EPDR1: variants seen among roughly 807,000 people sequenced by gnomAD.
The protein encoded by EPDR1 is mammalian ependymin-related protein 1.
EPDR1 carries 27 observed loss-of-function variants against 23.7 expected under a neutral mutation model. The observed-to-expected ratio is 1.14, with a 90% confidence interval of 0.84 to 1.57. EPDR1 has a LOEUF of 1.57. Ranked by LOEUF, EPDR1 falls within the 40% of genes most tolerant of loss-of-function variation. The pLI, the probability that EPDR1 is intolerant of heterozygous loss-of-function variation, is 0.00. For missense variants in EPDR1, 349 were observed against 290.4 expected (o/e 1.20, Z -1.47); for synonymous variants, 137 against 118.2 (o/e 1.16, Z -1.03).
intron 1 of EPDR1, among the ~76,000 whole-genome samples, chr7:37,932,997 T>C (rs1380848952): frequency 6.6e-6 from 1 of 152,250 alleles, no homozygotes; most frequent in Admixed American, 6.5e-5. Context: ...TATTCTTTGA[T>C]TTTGCTTTTC....
Position 37,920,931 on chromosome 7 carries a change from C to G in EPDR1, c.-9C>G. On this transcript the variant is annotated 5_prime_UTR_variant, in exon 1 of 3. Coordinates refer to ENST00000199448, the MANE Select transcript of EPDR1 (RefSeq NM_017549.5). ...GGGCTTGCCCTCGGGCCGGGGAAGG[C>G]TGACCGCGATGCCAGGACGCGCTCC... 1.9e-6 allele frequency: 3 copies of G among 1,609,186 alleles called. No individual in the cohort carries two copies. Among genetic ancestry groups the G allele is most frequent in the Non-Finnish European group, 2.5e-6 (3 of 1,178,586 alleles).
intron 1 of EPDR1, among the ~76,000 whole-genome samples, chr7:37,932,466 A>G (rs1295567833): frequency 6.6e-6 from 1 of 152,154 alleles, no homozygotes; most frequent in Non-Finnish European, 1.5e-5. Context: ...TCAGAAAGCT[A>G]TCCTTGTGGT....
At chr7:37,942,690 T>G (rs540054073) in intron 1 of EPDR1, among the ~76,000 whole-genome samples, 52 of 152,306 alleles carry the variant, frequency 3.4e-4, no homozygotes, top group Middle Eastern at 3.4e-3. Context: ...AGAGTTGTTA[T>G]TTCTGTAAAT....
At chr7:37,937,383 T>C (rs1306658973) in intron 1 of EPDR1, among the ~76,000 whole-genome samples, 1 of 152,210 alleles carries the variant, frequency 6.6e-6, no homozygotes, top group African/African-American at 2.4e-5. Flanking sequence ...GGAATTTGCT[T>C]TTAAAAATGA....
At chr7:37,932,603 A>G (rs1386378642) in intron 1 of EPDR1, among the ~76,000 whole-genome samples, 1 of 152,208 alleles carries the variant, frequency 6.6e-6, no homozygotes, top group Non-Finnish European at 1.5e-5. Flanking sequence ...TTTATATTTC[A>G]ACATGGTGGG....
intron 1 of EPDR1, among the ~76,000 whole-genome samples, chr7:37,933,806 T>C (rs925004621): frequency 6.6e-5 from 10 of 152,172 alleles, no homozygotes; most frequent in Admixed American, 5.9e-4. Flanking sequence ...TTTTTATTCA[T>C]TTCATTAAGG....
At position 37,921,167 on chromosome 7, in the gene EPDR1, G is replaced by A. The variant is rs751233584; in HGVS notation, c.228G>A (p.Val76=). Residue 76 remains valine (V), a synonymous_variant, in exon 1 of 3, where the codon GTG becomes GTA. Coordinates refer to ENST00000199448, the MANE Select transcript of EPDR1 (RefSeq NM_017549.5). ...LLSYDGLNQR[V]RVLDERKALI... ...CCTACGACGGGCTCAACCAGCGCGTGCGGGTGCTGGACGAGAGGAAGGCGC... is the reference window on the plus strand; with the variant it reads ...CCTACGACGGGCTCAACCAGCGCGTACGGGTGCTGGACGAGAGGAAGGCGC... The A allele has an allele frequency of 6.3e-7, 1 of 1,594,442 alleles. No individual in the cohort carries two copies. The highest frequency in any genetic ancestry group is 1.7e-5 in the Admixed American group (1 of 59,786).
chr7:37,943,119 A>G (rs1383615407), intron 1 of EPDR1, among the ~76,000 whole-genome samples: 1 of 152,198 alleles, frequency 6.6e-6, no homozygotes, highest in Non-Finnish European at 1.5e-5. Context: ...CTCCCAGTGA[A>G]CTATGCTTTG....
intron 1 of EPDR1, among the ~76,000 whole-genome samples, chr7:37,935,982 G>T (rs1786036727): frequency 1.3e-5 from 1 of 77,060 alleles, no homozygotes; most frequent in Non-Finnish European, 2.8e-5. Flanking sequence ...TTGGGAACTA[G>T]CAAATCATGG....
chr7:37,936,195 G>C (rs62443118), intron 1 of EPDR1, among the ~76,000 whole-genome samples: 5,103 of 150,998 alleles, frequency 0.034, 241 homozygotes, highest in Admixed American at 0.12. Context: ...TTCCAGGAAT[G>C]CAAAGATGGT....
At chr7:37,947,118 G>C (rs1301403909) in intron 1 of EPDR1, among the ~76,000 whole-genome samples, 3 of 152,132 alleles carry the variant, frequency 2.0e-5, no homozygotes, top group African/African-American at 7.2e-5. Flanking sequence ...CCTACCCAGA[G>C]CAACTTCGAG....
chr7:37,950,363 A>C lies in EPDR1; in HGVS notation c.642A>C (p.Gln214His). Reference protein sequence around the residue: ...FTPPSTCQMAQLEKMSEDCSW With the variant: ...FTPPSTCQMAHLEKMSEDCSW ...CTCCAAGCACGTGCCAGATGGCCCA[A>C]CTGGAGAAGATGAGCGAAGACTGCT... Residue 214 changes from glutamine (Q) to histidine (H), a missense_variant, in exon 3 of 3, where the codon CAA becomes CAC. Physicochemically the swap from Gln to His is conservative, Grantham distance 24. Coordinates refer to ENST00000199448, the MANE Select transcript of EPDR1 (RefSeq NM_017549.5). 1 of 1,613,720 alleles carries C rather than the reference A, an allele frequency of 6.2e-7. No individual in the cohort carries two copies. The highest frequency in any genetic ancestry group is 8.5e-7 in the Non-Finnish European group (1 of 1,179,850).
In EPDR1 at chr7:37,920,822, G is replaced by T. The variant is rs753029713; in HGVS notation, c.-118G>T. On this transcript the variant is annotated 5_prime_UTR_variant, in exon 1 of 3. Coordinates refer to ENST00000199448, the MANE Select transcript of EPDR1 (RefSeq NM_017549.5). ...CACCGAAGGGACAGGAAGCACTTTG[G>T]TCCAGACCACACTCCCGGCACAGTG... The T allele has an allele frequency of 6.2e-7, 1 of 1,610,522 alleles. No individual in the cohort carries two copies. Among genetic ancestry groups the T allele is most frequent in the Non-Finnish European group, 8.5e-7 (1 of 1,178,448 alleles).
chr7:37,945,883 G>A (rs762239231), intron 1 of EPDR1, among the ~76,000 whole-genome samples: 3 of 152,014 alleles, frequency 2.0e-5, no homozygotes, highest in Non-Finnish European at 4.4e-5. Flanking sequence ...CCTCCCCCAA[G>A]CTCCACCAAC....
chr7:37,931,517 A>G (rs559516579), intron 1 of EPDR1, among the ~76,000 whole-genome samples: 1 of 147,620 alleles, frequency 6.8e-6, no homozygotes, highest in East Asian at 1.9e-4. Flanking sequence ...CCATAAAAAA[A>G]TAAATAAATA....
At position 37,920,736 on chromosome 7, in the gene EPDR1, C is replaced by T. The variant is rs1785673077; in HGVS notation, c.-204C>T. Reference sequence around the variant, plus strand: ...CTCCCGCGCGATTCACTGGAGCCTTCCCCGGGCCCTGGTCCCGGCTACCGG... The same window carrying T: ...CTCCCGCGCGATTCACTGGAGCCTTTCCCGGGCCCTGGTCCCGGCTACCGG... On this transcript the variant is annotated 5_prime_UTR_variant, in exon 1 of 3. Transcript: ENST00000199448. 6.2e-7 allele frequency: 1 copy of T among 1,608,862 alleles called. No homozygotes were observed. Among genetic ancestry groups the T allele is most frequent in the Admixed American group, 1.7e-5 (1 of 59,820 alleles).
chr7:37,936,981 A>C (rs1343894886), intron 1 of EPDR1, among the ~76,000 whole-genome samples: 1 of 152,198 alleles, frequency 6.6e-6, no homozygotes, highest in Non-Finnish European at 1.5e-5. Context: ...ACACAAGAGG[A>C]GGACTAGTAA....
intron 1 of EPDR1, among the ~76,000 whole-genome samples, chr7:37,931,522 T>A (rs1307726130): frequency 4.8e-5 from 7 of 146,974 alleles, no homozygotes; most frequent in African/African-American, 1.7e-4. Flanking sequence ...AAAAAATAAA[T>A]AAATAAAAAA....
intron 1 of EPDR1, among the ~76,000 whole-genome samples, chr7:37,945,761 T>C (rs1786262550): frequency 6.6e-6 from 1 of 152,242 alleles, no homozygotes; most frequent in South Asian, 2.1e-4. Context: ...ATGTGCAGGA[T>C]GTGCAGATTT....
Sources: allele counts gnomAD v4.1 joint callset (sites outside exome capture counted in the v4.1 genomes callset), GRCh38; gene constraint gnomAD v4.1.1; transcripts MANE v1.5; gene names NCBI Gene and HGNC (gene_info 2026-07-23, HGNC 2026-07-21).